Variants in GALNTL5 observed in about 807,000 individuals in gnomAD.
The protein encoded by GALNTL5 is inactive polypeptide N-acetylgalactosaminyltransferase-like protein 5.
GALNTL5 carries 44 observed loss-of-function variants against 51.0 expected under a neutral mutation model. The ratio of observed to expected loss-of-function variants is 0.86; its 90% CI spans 0.68 to 1.11. The LOEUF (loss-of-function observed/expected upper bound fraction) is 1.11. GALNTL5 is among the 50% of genes least tolerant of loss of function. The pLI is 0.00. For missense variants in GALNTL5, 528 were observed against 531.8 expected, an observed-to-expected ratio of 0.99 and a Z score of 0.07; for synonymous variants, 192 against 182.8, an observed-to-expected ratio of 1.05 and a Z score of -0.41.
intron 6 of GALNTL5, among the ~76,000 whole-genome samples, chr7:152,005,803 A>G (rs1318012154): frequency 6.6e-6 from 1 of 152,202 alleles, no homozygotes; most frequent in Non-Finnish European, 1.5e-5. Flanking sequence ...TTGTCAATAG[A>G]ATTACTTAGG....
chr7:151,985,615 AC>A (rs1266388075), intron 4 of GALNTL5: 1 of 152,460 alleles, frequency 6.6e-6, no homozygotes, highest in East Asian at 1.9e-4. Flanking sequence ...CCTGTCCATG[AC>A]CTGCTGCCAT....
intron 5 of GALNTL5, among the ~76,000 whole-genome samples, chr7:152,002,085 G>T (rs1342934650): frequency 1.3e-5 from 2 of 152,062 alleles, no homozygotes; most frequent in Non-Finnish European, 2.9e-5. Flanking sequence ...CTCGAGACCA[G>T]CCTGGCCAAC....
intron 1 of GALNTL5, among the ~76,000 whole-genome samples, chr7:151,966,634 A>T (rs1235412085): frequency 6.6e-6 from 1 of 152,228 alleles, no homozygotes; most frequent in Non-Finnish European, 1.5e-5. Flanking sequence ...CTCATGATAC[A>T]TCTCTTTAGA....
At chr7:151,996,428 C>T (rs1339859958) in intron 5 of GALNTL5, among the ~76,000 whole-genome samples, 1 of 150,126 alleles carries the variant, frequency 6.7e-6, no homozygotes. Flanking sequence ...AACATCAATA[C>T]CAAAAAATTG....
intron 1 of GALNTL5, among the ~76,000 whole-genome samples, chr7:151,958,759 G>A (rs1305351753): frequency 5.3e-5 from 8 of 152,184 alleles, no homozygotes; most frequent in Non-Finnish European, 8.8e-5. Context: ...GTGGGTCCCA[G>A]GTCCTTGTCC....
intron 7 of GALNTL5, among the ~76,000 whole-genome samples, chr7:152,009,386 G>A (rs2081698768): frequency 2.0e-5 from 3 of 152,194 alleles, no homozygotes; most frequent in African/African-American, 7.2e-5. Flanking sequence ...GGTCATTGCA[G>A]CATCTGACAC....
At chr7:151,998,373 G>A (rs1173420409) in intron 5 of GALNTL5, among the ~76,000 whole-genome samples, 1 of 152,024 alleles carries the variant, frequency 6.6e-6, no homozygotes, top group Non-Finnish European at 1.5e-5. Flanking sequence ...TAAAATTGCT[G>A]CAAATAAAAA....
intron 3 of GALNTL5, among the ~76,000 whole-genome samples, chr7:151,971,961 C>G (rs1238544850): frequency 1.3e-5 from 2 of 152,144 alleles, no homozygotes; most frequent in Admixed American, 6.5e-5. Flanking sequence ...AGCAATTACC[C>G]AGTCTCAGGT....
chr7:151,971,318 G>T (rs1488273878), intron 3 of GALNTL5, among the ~76,000 whole-genome samples: 1 of 152,180 alleles, frequency 6.6e-6, no homozygotes, highest in African/African-American at 2.4e-5. Context: ...CAAGAATTGA[G>T]TTACCCACAG....
intron 8 of GALNTL5, among the ~76,000 whole-genome samples, chr7:152,016,514 G>A (rs2151963092): frequency 6.6e-6 from 1 of 152,244 alleles, no homozygotes; most frequent in East Asian, 1.9e-4. Context: ...TCTGAAAATG[G>A]CGTGGCAGCA....
At chr7:152,007,719 G>A (rs941180475) in intron 6 of GALNTL5, 108 bp from the exon 7 acceptor site, 51 of 770,362 alleles carry the variant, frequency 6.6e-5, no homozygotes, top group Non-Finnish European at 1.1e-4. Flanking sequence ...CACCCGGCCT[G>A]TTTTCTCATT....
At chr7:152,000,816 T>G (rs2081566798) in intron 5 of GALNTL5, among the ~76,000 whole-genome samples, 1 of 152,204 alleles carries the variant, frequency 6.6e-6, no homozygotes, top group South Asian at 2.1e-4. Context: ...ATACAAGTCC[T>G]TTAGTATATG....
intron 1 of GALNTL5, among the ~76,000 whole-genome samples, chr7:151,965,980 T>TAA (rs2081054305): frequency 6.6e-6 from 1 of 152,146 alleles, no homozygotes; most frequent in Admixed American, 6.5e-5. Flanking sequence ...TATATATATA[T>TAA]AATCACTATT....
chr7:152,010,403 G>A (rs113145250), intron 7 of GALNTL5, among the ~76,000 whole-genome samples: 3,836 of 152,182 alleles, frequency 0.025, 173 homozygotes, highest in African/African-American at 0.088. Flanking sequence ...AAGCCACCGC[G>A]TCCAGCCAAA....
At chr7:151,983,474 G>C (rs539221281) in intron 4 of GALNTL5, among the ~76,000 whole-genome samples, 1 of 152,160 alleles carries the variant, frequency 6.6e-6, no homozygotes, top group Non-Finnish European at 1.5e-5. Context: ...CACGACGCCT[G>C]ACCATCTAAT....
intron 5 of GALNTL5, chr7:151,995,345 T>G (rs2081483653): frequency 7.8e-6 from 1 of 128,602 alleles, no homozygotes; most frequent in Non-Finnish European, 1.6e-5. Flanking sequence ...TCAGTTGGTA[T>G]GAATTTTTTT....
At chr7:152,006,970 G>T (rs375288778) in intron 6 of GALNTL5, among the ~76,000 whole-genome samples, 4 of 152,080 alleles carry the variant, frequency 2.6e-5, no homozygotes, top group Non-Finnish European at 5.9e-5. Context: ...GTTTCACCAT[G>T]TTGGCCAGGC....
chr7:152,019,585 C>A, intron 8 of GALNTL5, 61 bp from the exon 9 acceptor site: 1 of 1,480,694 alleles, frequency 6.8e-7, no homozygotes, highest in Non-Finnish European at 9.3e-7. Context: ...TAGATATAAT[C>A]ATTTGATCAG....
At chr7:151,984,885 C>G (rs1470951354) in intron 4 of GALNTL5, among the ~76,000 whole-genome samples, 1 of 152,182 alleles carries the variant, frequency 6.6e-6, no homozygotes, top group African/African-American at 2.4e-5. Context: ...GGGACGGATA[C>G]CTCCCCCAGC....
Sources: gnomAD v4.1 joint callset for allele counts (sites outside exome capture counted in the v4.1 genomes callset) on GRCh38, gnomAD v4.1.1 for gene constraint, MANE v1.5 for transcripts, NCBI Gene and HGNC (gene_info 2026-07-23, HGNC 2026-07-21) for gene names.